Variants in MCRS1 observed in about 807,000 individuals in gnomAD.
The protein encoded by MCRS1 is 58 kDa microspherule protein.
Under a neutral mutation model 62.9 loss-of-function variants are expected in MCRS1, and 22 were observed. The observed-to-expected ratio is 0.35, with a 90% CI of 0.25 to 0.50. The LOEUF (loss-of-function observed/expected upper bound fraction) is 0.50. MCRS1 is among the 20% of genes least tolerant of loss of function. The probability of loss-of-function intolerance (pLI) is 0.98; values close to 1 mark genes in which losing one functional copy is unlikely to be tolerated. For synonymous variants in MCRS1, 244 were observed against 233.5 expected (o/e 1.04, Z -0.41); for missense variants, 456 against 601.1 (o/e 0.76, Z 2.52).
At chr12:49,563,226 C>A (rs1292118369) in intron 7 of MCRS1, 87 bp from the exon 8 acceptor site, 16 of 1,520,204 alleles carry the variant, frequency 1.1e-5, no homozygotes, top group Non-Finnish European at 1.4e-5. Context: ...ACCTCAGCAT[C>A]CCCCAGGAGC....
At chr12:49,563,672 GA>G in intron 6 of MCRS1, 126 bp from the exon 7 acceptor site, 2 of 672,616 alleles carry the variant, frequency 3.0e-6, no homozygotes, top group Non-Finnish European at 5.1e-6. Context: ...CCCTCATTAG[GA>G]AGGGCCTAAG....
rs1938565202 is a variant in MCRS1 at position 49,558,418 on chromosome 12, A to C, written c.*225T>G. ...ATGGGGGGTAGGGTTGTTTTTAGAG[A>C]GAGGAAGATGGGGAGGGGCTCTGGA... On this transcript the variant is annotated 3_prime_UTR_variant, in exon 15 of 15. Transcript: ENST00000343810. 3 of 560,722 alleles carry C rather than the reference A, an allele frequency of 5.4e-6. No homozygotes were observed. Among genetic ancestry groups the C allele is most frequent in the East Asian group, 5.7e-5 (2 of 34,934 alleles). 34.7% of individuals were successfully genotyped at this position (560,722 alleles called of 1,614,324 possible). A position where few individuals can be genotyped will look rare whatever the true frequency, so the allele number is the denominator to read the frequency against.
rs1285981468 is a variant in MCRS1, at chr12:49,563,155, C to T, written c.667-16G>A. On this transcript the variant is annotated splice_polypyrimidine_tract_variant and intron_variant, in intron 7 of 14. Transcript: ENST00000343810. ...GCTGGCTGGTCTAGAGGGCAAGAAA[C>T]ATTCTCTAGGCATCTGGGCTTTTTC... 1.3e-6 allele frequency: 2 copies of T among 1,554,486 alleles called. No homozygotes were observed. Among genetic ancestry groups the T allele is most frequent in the African/African-American group, 1.4e-5 (1 of 72,920 alleles).
In MCRS1 at chr12:49,558,602, G is replaced by GA; in HGVS notation, c.*40dup. On this transcript the variant is annotated 3_prime_UTR_variant, in exon 15 of 15. Transcript: ENST00000343810. The stretch of plus-strand genomic sequence containing the variant: ...GCTCAAGGGGGCTGGAGTGGCAGGG[G>GA]AAACAGGCCGGAGAGGGCCCACGAG... 3.8e-6 allele frequency: 6 copies of GA among 1,594,522 alleles called. No homozygotes were observed. In the South Asian group the frequency reaches 6.6e-5, roughly 18 times the overall value.
intron 2 of MCRS1, 124 bp from the exon 3 acceptor site, chr12:49,566,339 G>A: frequency 6.4e-7 from 1 of 1,558,198 alleles, no homozygotes; most frequent in Middle Eastern, 1.7e-4. Flanking sequence ...CTTGACACTT[G>A]AGGTTTTAAG....
In MCRS1 at chr12:49,558,865, A is replaced by G; in HGVS notation, c.1280T>C (p.Leu427Pro). ...RPVLCGSKWRLSNNSVVEIAS... is the reference protein window; with the variant it reads ...RPVLCGSKWRPSNNSVVEIAS... The stretch of plus-strand genomic sequence containing the variant: ...CACCTCCACCACAGAGTTGTTGCTG[A>G]GGCGCCATTTGGAGCCACAGAGCAC... Residue 427 changes from leucine to proline, a missense_variant, in exon 14 of 15, where the codon CTC becomes CCC. Leu to Pro is a moderately conservative substitution (Grantham distance 98). Coordinates refer to ENST00000343810, the MANE Select transcript of MCRS1 (RefSeq NM_006337.5). 1.2e-6 allele frequency: 2 copies of G among 1,613,098 alleles called. No individual in the cohort carries two copies. Among genetic ancestry groups the G allele is most frequent in the Non-Finnish European group, 1.7e-6 (2 of 1,180,028 alleles).
Position 49,566,756 on chromosome 12 carries a change from G to C in MCRS1, c.-25C>G. ...TCCTCTTACAGTCCCAAAGCCACTG[G>C]TTCCAAACCACCGGGCTAGGAGGAA... On this transcript the variant is annotated 5_prime_UTR_variant, in exon 2 of 15. Coordinates refer to ENST00000343810, the MANE Select transcript of MCRS1 (RefSeq NM_006337.5). The C allele has an allele frequency of 3.7e-6, 6 of 1,613,396 alleles. No individual in the cohort carries two copies. Among genetic ancestry groups the C allele is most frequent in the Non-Finnish European group, 4.2e-6 (5 of 1,179,720 alleles).
In MCRS1 at chr12:49,564,472, C is replaced by A; in HGVS notation, c.557+9G>T. On this transcript the variant is annotated intron_variant, in intron 6 of 14. Transcript: ENST00000343810. The stretch of plus-strand genomic sequence containing the variant: ...TACCTCCCCACTGCTGGAACCAGCT[C>A]CCACTCACTTGGAGATGACAGGATC... 1 of 1,606,780 alleles carries A rather than the reference C, an allele frequency of 6.2e-7. No homozygotes were observed. The highest frequency in any genetic ancestry group is 1.3e-5 in the African/African-American group (1 of 74,874).
chr12:49,558,993 G>C (rs1329711349), intron 13 of MCRS1, 23 bp from the exon 14 acceptor site: 1 of 1,600,980 alleles, frequency 6.2e-7, no homozygotes, highest in Admixed American at 1.7e-5. Flanking sequence ...AAAGAAAGAA[G>C]GGATGATGGG....
Position 49,559,676 on chromosome 12 carries a change from G to A in MCRS1, c.1003+53C>T. 1.2e-6 allele frequency: 2 copies of A among 1,607,004 alleles called. No individual in the cohort carries two copies. Among genetic ancestry groups the A allele is most frequent in the Non-Finnish European group, 1.7e-6 (2 of 1,174,434 alleles). On this transcript the variant is annotated intron_variant, in intron 11 of 14. Coordinates refer to ENST00000343810, the MANE Select transcript of MCRS1 (RefSeq NM_006337.5). This position sits in a 1 kb window ranked among gnomAD's most constrained non-coding sequence, Gnocchi z 5.2. ...CAGCCAGGCAGCAACAGGGGCACAGGCTGGGGCGAAGGATGCTGAAGAGTG... is the reference window on the plus strand; with the variant it reads ...CAGCCAGGCAGCAACAGGGGCACAGACTGGGGCGAAGGATGCTGAAGAGTG...
chr12:49,564,369 G>C (rs1938936121), intron 6 of MCRS1, 112 bp downstream of exon 6: 3 of 831,686 alleles, frequency 3.6e-6, no homozygotes, highest in East Asian at 2.7e-5. Context: ...GGAGCCTCCA[G>C]GAGTCCTGCC....
At chr12:49,566,000 G>A (rs1011993998) in intron 3 of MCRS1, 77 bp downstream of exon 3, 1 of 1,544,224 alleles carries the variant, frequency 6.5e-7, no homozygotes, top group South Asian at 1.2e-5. Flanking sequence ...ATTCCCAACA[G>A]ATGGGGAGGC....
chr12:49,566,526 C>G, intron 2 of MCRS1, 196 bp downstream of exon 2: 1 of 1,509,096 alleles, frequency 6.6e-7, no homozygotes, highest in Admixed American at 2.0e-5. Flanking sequence ...CATCAAAATG[C>G]AGCCGTGCTA....
intron 4 of MCRS1, 127 bp downstream of exon 4, chr12:49,565,397 CTGAGA>C: frequency 2.7e-6 from 4 of 1,502,434 alleles, no homozygotes; most frequent in Non-Finnish European, 3.5e-6. Flanking sequence ...AGGGGGGCAT[CTGAGA>C]TGAGGGCTGG....
chr12:49,563,671 G>T, intron 6 of MCRS1, 125 bp from the exon 7 acceptor site: 2 of 672,970 alleles, frequency 3.0e-6, no homozygotes, highest in Non-Finnish European at 5.1e-6. Context: ...GCCCTCATTA[G>T]GAAGGGCCTA....
chr12:49,558,796 C>G, intron 14 of MCRS1, 47 bp downstream of exon 14: 1 of 1,613,450 alleles, frequency 6.2e-7, no homozygotes, highest in Non-Finnish European at 8.5e-7. Context: ...TACTGGCTCA[C>G]CACGCCTAGG....
Position 49,560,416 on chromosome 12 carries a change from A to G in MCRS1, c.806-46T>C, listed in dbSNP as rs1274370417. 3.8e-6 allele frequency: 6 copies of G among 1,580,982 alleles called. No individual in the cohort carries two copies. The African/African-American group carries it at 8.1e-5, about 21-fold the overall frequency. On this transcript the variant is annotated intron_variant, in intron 8 of 14. Coordinates refer to ENST00000343810, the MANE Select transcript of MCRS1 (RefSeq NM_006337.5). ...GCGTGAGCACCAAGGGTCTTGCTGA[A>G]CCCGATGCTGAGCGGACCACTAAGC...
intron 2 of MCRS1, 164 bp downstream of exon 2, chr12:49,566,558 A>C (rs915937203): frequency 2.8e-5 from 41 of 1,477,380 alleles, no homozygotes; most frequent in Non-Finnish European, 3.2e-5. Context: ...CTCAACAGCA[A>C]GTCAGTCAAC....
At chr12:49,562,849 G>T in intron 8 of MCRS1, 152 bp downstream of exon 8, 1 of 970,446 alleles carries the variant, frequency 1.0e-6, no homozygotes, top group Non-Finnish European at 1.4e-6. Flanking sequence ...TCTCTGGAAA[G>T]TAGTTTTTTT....
Sources: gnomAD v4.1 joint callset for allele counts on GRCh38, gnomAD v4.1.1 for gene constraint, Gnocchi (gnomAD v3.1) non-coding constraint, MANE v1.5 for transcripts, NCBI Gene and HGNC (gene_info 2026-07-23, HGNC 2026-07-21) for gene names.